CAPZA1: variants seen among roughly 807,000 people sequenced by gnomAD.
CAPZA1 encodes the protein F-actin-capping protein subunit alpha-1.
A neutral mutation model predicts 40.8 loss-of-function variants in CAPZA1; 10 were observed. That is an observed-to-expected ratio of 0.25 (90% CI 0.15 to 0.42). CAPZA1 has a LOEUF of 0.42. Ranked by LOEUF, CAPZA1 falls within the 10% of genes least tolerant of loss-of-function variation. CAPZA1 has a pLI of 1.00. For synonymous variants in CAPZA1, 98 were observed against 115.0 expected, an observed-to-expected ratio of 0.85 and a Z score of 0.95; for missense variants, 277 against 353.8, an observed-to-expected ratio of 0.78 and a Z score of 1.74.
intron 5 of CAPZA1, among the ~76,000 whole-genome samples, chr1:112,658,426 T>C (rs560295518): frequency 2.6e-5 from 4 of 152,354 alleles, no homozygotes; most frequent in Admixed American, 1.3e-4. Context: ...TTCCCATTAA[T>C]ATAACTCTGA....
At chr1:112,621,983 G>A (rs566514593) in intron 1 of CAPZA1, among the ~76,000 whole-genome samples, 2 of 151,196 alleles carry the variant, frequency 1.3e-5, no homozygotes, top group African/African-American at 4.9e-5. Context: ...GGCTGGTCTC[G>A]AACTCCTGAC....
At chr1:112,622,629 A>G (rs1670698970) in intron 1 of CAPZA1, among the ~76,000 whole-genome samples, 1 of 152,206 alleles carries the variant, frequency 6.6e-6, no homozygotes, top group Non-Finnish European at 1.5e-5. Context: ...CAGCCTAACT[A>G]GTGGAATATT....
At chr1:112,636,985 C>T (rs1671032654) in intron 1 of CAPZA1, among the ~76,000 whole-genome samples, 1 of 152,232 alleles carries the variant, frequency 6.6e-6, no homozygotes, top group Admixed American at 6.5e-5. Flanking sequence ...CTTTCACAAG[C>T]ATAGCTTTGA....
intron 2 of CAPZA1, among the ~76,000 whole-genome samples, chr1:112,648,264 A>C (rs1389231023): frequency 6.6e-6 from 1 of 152,056 alleles, no homozygotes; most frequent in African/African-American, 2.4e-5. Flanking sequence ...AAAGGAAACA[A>C]ATGCAGCCTT....
At chr1:112,657,801 G>A (rs1219213895) in intron 5 of CAPZA1, among the ~76,000 whole-genome samples, 13 of 151,772 alleles carry the variant, frequency 8.6e-5, no homozygotes, top group Non-Finnish European at 1.5e-4. Flanking sequence ...CATGTTGGCC[G>A]GGCTGGTCTT....
intron 6 of CAPZA1, 127 bp from the exon 7 acceptor site, chr1:112,659,574 T>C: frequency 1.6e-6 from 1 of 638,326 alleles, no homozygotes. Context: ...AAATGACAGT[T>C]TCTCTCTCTC....
chr1:112,635,998 C>T (rs1479054567), intron 1 of CAPZA1, among the ~76,000 whole-genome samples: 3 of 152,112 alleles, frequency 2.0e-5, no homozygotes, highest in African/African-American at 7.2e-5. Context: ...CACTGCACTC[C>T]AGCCTCGGTG....
rs773411605 is a variant in CAPZA1 at position 112,659,002 on chromosome 1, T to A, written c.427-20T>A. ...TAAAAGTGTTTGGAGTCTTTAACTA[T>A]TTTTTTTTCCCAACAATAGGTTTAT... On this transcript the variant is annotated intron_variant, in intron 5 of 9. Transcript: ENST00000263168. 2.1e-4 allele frequency: 309 copies of A among 1,498,602 alleles called. No individual in the cohort carries two copies. Among genetic ancestry groups the A allele is most frequent in the Non-Finnish European group, 2.7e-4 (297 of 1,080,896 alleles). 92.8% of individuals were successfully genotyped at this position (1,498,602 alleles called of 1,614,324 possible).
At chr1:112,654,867 A>G (rs956694168) in intron 5 of CAPZA1, among the ~76,000 whole-genome samples, 196 bp downstream of exon 5, 8 of 152,188 alleles carry the variant, frequency 5.3e-5, no homozygotes, top group African/African-American at 1.9e-4. Flanking sequence ...TAAAATCCCA[A>G]TGCACAAAAA....
intron 7 of CAPZA1, among the ~76,000 whole-genome samples, chr1:112,660,451 T>C (rs1402764462): frequency 6.6e-6 from 1 of 152,072 alleles, no homozygotes; most frequent in Non-Finnish European, 1.5e-5. Context: ...TAGCTAATTT[T>C]CTATTTTTAG....
chr1:112,631,639 A>G (rs1343452477), intron 1 of CAPZA1, among the ~76,000 whole-genome samples: 3 of 152,164 alleles, frequency 2.0e-5, no homozygotes, highest in African/African-American at 7.2e-5. Flanking sequence ...CTGGGTTCTC[A>G]CCGCCGAACT....
At chr1:112,645,188 G>A (rs774491867) in intron 1 of CAPZA1, among the ~76,000 whole-genome samples, 1 of 152,188 alleles carries the variant, frequency 6.6e-6, no homozygotes, top group Non-Finnish European at 1.5e-5. Context: ...GTCACTAGAG[G>A]CAAGCTACCA....
chr1:112,663,154 C>A (rs1671654602), intron 7 of CAPZA1, among the ~76,000 whole-genome samples: 1 of 151,990 alleles, frequency 6.6e-6, no homozygotes. Flanking sequence ...TTAGCAGACA[C>A]CGGGTTTCAC....
chr1:112,622,999 C>T (rs566688462), intron 1 of CAPZA1, among the ~76,000 whole-genome samples: 1 of 151,964 alleles, frequency 6.6e-6, no homozygotes, highest in Admixed American at 6.5e-5. Context: ...GATTCTCCTG[C>T]CTCAGCATCC....
At chr1:112,668,319 C>T (rs777107550) in intron 8 of CAPZA1, among the ~76,000 whole-genome samples, 3 of 151,832 alleles carry the variant, frequency 2.0e-5, no homozygotes, top group Non-Finnish European at 2.9e-5. Context: ...TAAAACTATT[C>T]GTTAATTAAA....
chr1:112,637,653 T>C (rs1671048162), intron 1 of CAPZA1, among the ~76,000 whole-genome samples: 1 of 152,206 alleles, frequency 6.6e-6, no homozygotes, highest in South Asian at 2.1e-4. Flanking sequence ...GATCTTACTG[T>C]GTTGCCTAGG....
intron 6 of CAPZA1, 127 bp downstream of exon 6, chr1:112,659,228 G>A (rs1671555777): frequency 7.5e-6 from 5 of 668,460 alleles, no homozygotes; most frequent in Non-Finnish European, 8.1e-6. Flanking sequence ...TATAAATGAG[G>A]GATTTAGATT....
rs914813265 is a variant in CAPZA1, at chr1:112,649,402, C to T, written c.104-16C>T. The T allele has an allele frequency of 8.7e-6, 14 of 1,604,556 alleles. No homozygotes were observed. The highest frequency in any genetic ancestry group is 1.7e-5 in the Admixed American group (1 of 59,530). On this transcript the variant is annotated splice_polypyrimidine_tract_variant and intron_variant, in intron 2 of 9. Coordinates refer to ENST00000263168, the MANE Select transcript of CAPZA1 (RefSeq NM_006135.3). The stretch of plus-strand genomic sequence containing the variant: ...ATTTATCCTCCACTGAACATTGTAA[C>T]ATTTTTCCTCCTCAGACGTTCGGCT...
chr1:112,621,498 C>T (rs1177975741), intron 1 of CAPZA1, among the ~76,000 whole-genome samples: 1 of 152,100 alleles, frequency 6.6e-6, no homozygotes, highest in Non-Finnish European at 1.5e-5. Flanking sequence ...ACGATCCATC[C>T]GTCTTCGCCA....
Sources: allele counts gnomAD v4.1 joint callset (sites outside exome capture counted in the v4.1 genomes callset), GRCh38; gene constraint gnomAD v4.1.1; transcripts MANE v1.5; gene names NCBI Gene and HGNC (gene_info 2026-07-23, HGNC 2026-07-21).